The following GAS2 variants were observed in gnomAD, a reference collection of about 807,000 sequenced individuals.
GAS2 encodes growth arrest-specific protein 2.
A neutral mutation model predicts 37.5 loss-of-function variants in GAS2; 20 were observed. The ratio of observed to expected loss-of-function variants is 0.53; its 90% CI spans 0.37 to 0.77. The LOEUF is 0.77. Ranked by LOEUF, GAS2 falls within the 30% of genes least tolerant of loss-of-function variation. GAS2 has a pLI of 0.00. For missense variants in GAS2, 336 were observed against 373.4 expected (o/e 0.90, Z 0.82); for synonymous variants, 144 against 132.2 (o/e 1.09, Z -0.61).
intron 7 of GAS2, among the ~76,000 whole-genome samples, chr11:22,761,454 G>A (rs370240371): frequency 3.3e-5 from 5 of 152,126 alleles, no homozygotes; most frequent in African/African-American, 1.2e-4. Flanking sequence ...TTGTGAGGTA[G>A]ATAACATTTT....
At chr11:22,706,331 T>G (rs1851116121) in intron 3 of GAS2, among the ~76,000 whole-genome samples, 1 of 151,736 alleles carries the variant, frequency 6.6e-6, no homozygotes, top group African/African-American at 2.4e-5. Context: ...TAGACGGTTT[T>G]TTTTTTTCTT....
intron 7 of GAS2, among the ~76,000 whole-genome samples, chr11:22,804,110 A>C (rs1400765011): frequency 6.6e-6 from 1 of 152,122 alleles, no homozygotes; most frequent in Non-Finnish European, 1.5e-5. Flanking sequence ...GATGTTTTGA[A>C]CATCAGGGAA....
At chr11:22,791,815 G>T (rs1856178029) in intron 7 of GAS2, among the ~76,000 whole-genome samples, 1 of 152,186 alleles carries the variant, frequency 6.6e-6, no homozygotes, top group South Asian at 2.1e-4. Flanking sequence ...ACTTAGGAAT[G>T]GTTCTGTATA....
chr11:22,683,266 A>T (rs913524720), intron 2 of GAS2, among the ~76,000 whole-genome samples: 8 of 151,862 alleles, frequency 5.3e-5, no homozygotes, highest in Non-Finnish European at 1.0e-4. Flanking sequence ...GTCGGATTTT[A>T]TTTATTTATT....
chr11:22,646,679 T>C, intron 1 of GAS2, among the ~76,000 whole-genome samples: 1 of 152,228 alleles, frequency 6.6e-6, no homozygotes. Flanking sequence ...TTGCCTCTGT[T>C]AAATTGTATT....
intron 3 of GAS2, among the ~76,000 whole-genome samples, chr11:22,721,555 TA>T (rs1851949103): frequency 6.6e-6 from 1 of 152,010 alleles, no homozygotes; most frequent in African/African-American, 2.4e-5. Context: ...CTCCAAATTA[TA>T]AATTCACTTC....
At chr11:22,784,549 C>A (rs1038354977) in intron 7 of GAS2, among the ~76,000 whole-genome samples, 2 of 152,080 alleles carry the variant, frequency 1.3e-5, no homozygotes, top group African/African-American at 2.4e-5. Context: ...GGTGATTATA[C>A]GTTAAGAGCC....
At chr11:22,665,846 G>T (rs1453308472), upstream of GAS2, among the ~76,000 whole-genome samples, 1 of 152,146 alleles carries the variant, frequency 6.6e-6, no homozygotes, top group Non-Finnish European at 1.5e-5. Context: ...AGTGGGGCTA[G>T]GTAACTCATC....
chr11:22,655,462 A>G (rs1848844058), intron 1 of GAS2, among the ~76,000 whole-genome samples: 1 of 152,228 alleles, frequency 6.6e-6, no homozygotes. Flanking sequence ...AAAAGGAAGC[A>G]TTCCAAAAAC....
At chr11:22,707,027 C>T (rs1851160149) in intron 3 of GAS2, among the ~76,000 whole-genome samples, 1 of 152,104 alleles carries the variant, frequency 6.6e-6, no homozygotes, top group African/African-American at 2.4e-5. Flanking sequence ...GATTGCCATT[C>T]TAACTGGTGT....
intron 2 of GAS2, among the ~76,000 whole-genome samples, chr11:22,676,879 A>G (rs1849452891): frequency 6.6e-6 from 1 of 152,168 alleles, no homozygotes; most frequent in Non-Finnish European, 1.5e-5. Context: ...TCTTGGTTAT[A>G]TAATCTGTAA....
At chr11:22,672,195 C>A (rs1565076035) in intron 1 of GAS2, among the ~76,000 whole-genome samples, 1 of 152,082 alleles carries the variant, frequency 6.6e-6, no homozygotes, top group East Asian at 1.9e-4. Flanking sequence ...TGTGTTTTTG[C>A]TTTTTTCTCA....
intron 1 of GAS2, among the ~76,000 whole-genome samples, chr11:22,658,867 T>C (rs1848884763): frequency 6.6e-6 from 1 of 152,212 alleles, no homozygotes. Flanking sequence ...CAATTCTAAA[T>C]GCCATAAATC....
At chr11:22,810,846 A>G (rs971775737) in intron 7 of GAS2, among the ~76,000 whole-genome samples, 1 of 152,148 alleles carries the variant, frequency 6.6e-6, no homozygotes, top group African/African-American at 2.4e-5. Flanking sequence ...GACGCCAAGT[A>G]AGAAGAATTG....
At chr11:22,698,325 G>T (rs186092180) in intron 3 of GAS2, among the ~76,000 whole-genome samples, 1 of 152,080 alleles carries the variant, frequency 6.6e-6, no homozygotes, top group Admixed American at 6.6e-5. Context: ...CCAGGAAGAA[G>T]TTGAATCTCT....
intron 7 of GAS2, among the ~76,000 whole-genome samples, chr11:22,763,928 T>G (rs1590104456): frequency 6.6e-6 from 1 of 152,306 alleles, no homozygotes; most frequent in East Asian, 1.9e-4. Context: ...GTTCAAATGC[T>G]TTTAGCTTTT....
chr11:22,670,491 C>A (rs934963231), intron 1 of GAS2, among the ~76,000 whole-genome samples: 8 of 152,082 alleles, frequency 5.3e-5, no homozygotes, highest in African/African-American at 1.9e-4. Flanking sequence ...TGTCCTTTGT[C>A]TTTTCTTAAT....
At chr11:22,789,445 T>A (rs1176520281) in intron 7 of GAS2, among the ~76,000 whole-genome samples, 1 of 102,126 alleles carries the variant, frequency 9.8e-6, no homozygotes, top group Non-Finnish European at 2.1e-5. Context: ...TATATATATA[T>A]ATATATATAT....
At chr11:22,809,332 A>G in intron 7 of GAS2, among the ~76,000 whole-genome samples, 1 of 152,156 alleles carries the variant, frequency 6.6e-6, no homozygotes, top group Non-Finnish European at 1.5e-5. Flanking sequence ...GAAAACAGGA[A>G]TTTTAGGGAG....
Sources: allele counts gnomAD v4.1 joint callset (sites outside exome capture counted in the v4.1 genomes callset), GRCh38; gene constraint gnomAD v4.1.1; transcripts MANE v1.5; gene names NCBI Gene and HGNC (gene_info 2026-07-23, HGNC 2026-07-21).